PODNL1: variants seen among roughly 807,000 people sequenced by gnomAD.
PODNL1 encodes podocan like 1.
PODNL1 carries 50 observed loss-of-function variants against 45.1 expected under a neutral mutation model. The observed-to-expected ratio is 1.11, with a 90% confidence interval of 0.88 to 1.40. The LOEUF is 1.40. PODNL1 is among the 40% of genes most tolerant of loss of function. PODNL1 has a pLI of 0.00. For synonymous variants in PODNL1, 406 were observed against 372.5 expected, an observed-to-expected ratio of 1.09 and a Z score of -1.04; for missense variants, 788 against 793.3, an observed-to-expected ratio of 0.99 and a Z score of 0.08.
In PODNL1 at chr19:13,932,912, G is replaced by C; in HGVS notation, c.1311C>G (p.Leu437=). 2 of 1,585,236 alleles carry C rather than the reference G, an allele frequency of 1.3e-6. No individual in the cohort carries two copies. The highest frequency in any genetic ancestry group is 2.3e-5 in the East Asian group (1 of 43,474). ...LQLQRNQLRM[L]EPEPLAGLDQ... ...CCAGGCCGGCCAGAGGCTCGGGCTC[G>C]AGCATCCGCAGCTGGTTGCGTTGCA... The change falls in exon 8 of 10, where the codon CTC becomes CTG. Residue 437 remains leucine (L), a synonymous_variant. Coordinates refer to ENST00000588872, the MANE Select transcript of PODNL1 (RefSeq NM_001370095.3).
chr19:13,938,995 C>CA (rs1972557318), upstream of PODNL1, among the ~76,000 whole-genome samples: 1 of 152,114 alleles, frequency 6.6e-6, no homozygotes, highest in Non-Finnish European at 1.5e-5. Flanking sequence ...TGGCATATCC[C>CA]AGGGCTTTGG....
At chr19:13,934,552 G>C (rs1972200424) in intron 5 of PODNL1, 142 bp from the exon 6 acceptor site, 2 of 840,104 alleles carry the variant, frequency 2.4e-6, no homozygotes, top group Admixed American at 7.1e-5. Context: ...GAGTCTGTGT[G>C]GGAATGTAAT....
intron 1 of PODNL1, among the ~76,000 whole-genome samples, chr19:13,947,759 A>T (rs1354815004): frequency 6.6e-6 from 1 of 152,212 alleles, no homozygotes; most frequent in Non-Finnish European, 1.5e-5. Flanking sequence ...TGCTAAAGTC[A>T]TCATTAACTT....
chr19:13,944,324 G>C (rs1972749951), intron 1 of PODNL1, among the ~76,000 whole-genome samples: 2 of 151,806 alleles, frequency 1.3e-5, no homozygotes, highest in Non-Finnish European at 2.9e-5. Context: ...ACCATGCCTG[G>C]CTAAATTTTT....
chr19:13,946,751 T>C (rs1972828069), intron 1 of PODNL1, among the ~76,000 whole-genome samples: 1 of 151,706 alleles, frequency 6.6e-6, no homozygotes, highest in Non-Finnish European at 1.5e-5. Context: ...TGACGAACGA[T>C]CAGAAATATG....
At position 13,933,450 on chromosome 19, in the gene PODNL1, A is replaced by G; in HGVS notation, c.773T>C (p.Leu258Pro). ...SGLDATTFSKLHSLEYLDLSH... is the reference protein window; with the variant it reads ...SGLDATTFSKPHSLEYLDLSH... ...GAGATCCAGGTATTCAAGGCTATGCAGCTTGCTGGAAGGAGAGAGGGTCGG... is the reference window on the plus strand; with the variant it reads ...GAGATCCAGGTATTCAAGGCTATGCGGCTTGCTGGAAGGAGAGAGGGTCGG... Residue 258 changes from leucine (L) to proline (P), a missense_variant, in exon 8 of 10, where the codon CTG becomes CCG. By Grantham distance (98) the Leu-to-Pro change is moderately conservative (BLOSUM62 -3). Coordinates refer to ENST00000588872, the MANE Select transcript of PODNL1 (RefSeq NM_001370095.3). The surrounding 1 kb of genome is among the most constrained non-coding windows in gnomAD (Gnocchi z 5.2). 6.4e-7 allele frequency: 1 copy of G among 1,562,014 alleles called. No individual in the cohort carries two copies. Among genetic ancestry groups the G allele is most frequent in the Non-Finnish European group, 8.7e-7 (1 of 1,155,616 alleles).
At chr19:13,947,417 G>T (rs1184837690) in intron 1 of PODNL1, among the ~76,000 whole-genome samples, 2 of 151,480 alleles carry the variant, frequency 1.3e-5, no homozygotes, top group Admixed American at 1.3e-4. Flanking sequence ...GGAGACGGAG[G>T]TTGCAGTGAG....
At chr19:13,953,244 G>A (rs1973170377) in exon 1 of PODNL1, 1 of 1,086,540 alleles carries the variant, frequency 9.2e-7, no homozygotes, top group Non-Finnish European at 1.3e-6. Context: ...CAGAGCTGGG[G>A]GATGATGTCT....
intron 1 of PODNL1, among the ~76,000 whole-genome samples, chr19:13,945,493 AT>A (rs902283331): frequency 1.5e-4 from 22 of 147,316 alleles, no homozygotes; most frequent in South Asian, 2.2e-4. Flanking sequence ...TGTCTCTACA[AT>A]TTTTTTTTTT....
intron 1 of PODNL1, among the ~76,000 whole-genome samples, chr19:13,943,721 C>T (rs911249374): frequency 6.6e-6 from 1 of 152,080 alleles, no homozygotes; most frequent in Non-Finnish European, 1.5e-5. Flanking sequence ...CTCAGCCTCC[C>T]AAAGTGCTGG....
In PODNL1 at chr19:13,933,810, G is replaced by A; in HGVS notation, c.767+68C>T. Reference sequence around the variant, plus strand: ...CGTGGCTTAGGAGCCAGTCAGGGAAGGGGGACTGAAGGTTGGGACCCCCGA... The same window carrying A: ...CGTGGCTTAGGAGCCAGTCAGGGAAAGGGGACTGAAGGTTGGGACCCCCGA... On this transcript the variant is annotated intron_variant, in intron 7 of 9. Coordinates refer to ENST00000588872, the MANE Select transcript of PODNL1 (RefSeq NM_001370095.3). This position sits in a 1 kb window ranked among gnomAD's most constrained non-coding sequence, Gnocchi z 5.2. 1 of 1,350,270 alleles carries A rather than the reference G, an allele frequency of 7.4e-7. No individual in the cohort carries two copies. The highest frequency in any genetic ancestry group is 1.0e-6 in the Non-Finnish European group (1 of 967,256). 83.6% of individuals were successfully genotyped at this position (1,350,270 alleles called of 1,614,324 possible).
chr19:13,936,443 T>A lies in PODNL1; in HGVS notation c.243A>T (p.Glu81Asp). 6.2e-7 allele frequency: 1 copy of A among 1,612,784 alleles called. No individual in the cohort carries two copies. Among genetic ancestry groups the A allele is most frequent in the African/African-American group, 1.3e-5 (1 of 74,752 alleles). The change falls in exon 3 of 10, where the codon GAA becomes GAT. Residue 81 changes from glutamate to aspartate, a missense_variant. Coordinates refer to ENST00000588872, the MANE Select transcript of PODNL1 (RefSeq NM_001370095.3). ...GGCGGGACAGCTCATTGTAGGGGAG[T>A]TCCTGGAGCTGGTTGTTCTGCAGGG... ...HLSLQNNQLQ[E>D]LPYNELSRLS...
At chr19:13,941,500 G>C (rs1972655134), upstream of PODNL1, among the ~76,000 whole-genome samples, 1 of 152,130 alleles carries the variant, frequency 6.6e-6, no homozygotes, top group African/African-American at 2.4e-5. Flanking sequence ...CAGTGATACA[G>C]GGGAGGGAGG....
intron 6 of PODNL1, 95 bp from the exon 7 acceptor site, chr19:13,934,088 C>T (rs965105358): frequency 7.2e-7 from 1 of 1,397,936 alleles, no homozygotes; most frequent in Non-Finnish European, 9.9e-7. Flanking sequence ...GAGGAGCTTG[C>T]CTTGAGCTCA....
chr19:13,931,541 G>T lies in PODNL1; in HGVS notation c.*196C>A. On this transcript the variant is annotated 3_prime_UTR_variant, in exon 10 of 10. Transcript: ENST00000588872. Reference sequence around the variant, plus strand: ...GGGAGTTTGGGGTAGGGTGTGTCCCGCCAGGCCGGCGTGGTCTGTGAGCCT... The same window carrying T: ...GGGAGTTTGGGGTAGGGTGTGTCCCTCCAGGCCGGCGTGGTCTGTGAGCCT... The T allele has an allele frequency of 3.9e-6, 2 of 515,358 alleles. No individual in the cohort carries two copies. The highest frequency in any genetic ancestry group is 3.0e-6 in the Non-Finnish European group (1 of 334,004). The allele number at this position is 515,358 out of a possible 1,614,324, so 31.9% of individuals were successfully genotyped here. A position where few individuals can be genotyped will look rare whatever the true frequency, so the allele number is the denominator to read the frequency against.
chr19:13,938,451 T>C, upstream of PODNL1: 1 of 1,277,344 alleles, frequency 7.8e-7, no homozygotes, highest in Non-Finnish European at 9.9e-7. Context: ...CCACCCCATC[T>C]CTGCTTTCGT....
chr19:13,934,841 A>G (rs1171899276), intron 5 of PODNL1, among the ~76,000 whole-genome samples: 1 of 151,284 alleles, frequency 6.6e-6, no homozygotes, highest in Non-Finnish European at 1.5e-5. Context: ...ATGCCTGTGC[A>G]TAAGTGTGCA....
rs748796579 is a variant in PODNL1 at position 13,932,869 on chromosome 19, T to C, written c.1354A>G (p.Ser452Gly). ...ACCCGGAGCCGGTTGTGCGCCAGGC[T>C]GAGCTCCCGCAGTTGGTCCAGGCCG... Reference protein sequence around the residue: ...LAGLDQLRELSLAHNRLRVGD... With the variant: ...LAGLDQLRELGLAHNRLRVGD... The change falls in exon 8 of 10, where the codon AGC (serine) becomes GGC (glycine). Residue 452 changes from serine (S) to glycine (G), a missense_variant. Around this residue, in one of 3 missense-constraint regions of PODNL1, gnomAD observed 762 missense variants for 750.9 expected, o/e 1.01. Transcript: ENST00000588872. The C allele has an allele frequency of 1.1e-5, 18 of 1,610,036 alleles. No homozygotes were observed. The highest frequency in any genetic ancestry group is 5.0e-5 in the Admixed American group (3 of 59,566).
At chr19:13,935,945 C>T in intron 4 of PODNL1, 35 bp downstream of exon 4, 17 of 1,549,164 alleles carry the variant, frequency 1.1e-5, no homozygotes, top group Non-Finnish European at 1.5e-5. Flanking sequence ...TGCACCCTCA[C>T]TGGGCTCGGC....
Sources: allele counts gnomAD v4.1 joint callset (sites outside exome capture counted in the v4.1 genomes callset), GRCh38; gene constraint gnomAD v4.1.1; regional missense constraint gnomAD v4.1.1; non-coding constraint Gnocchi (gnomAD v3.1); transcripts MANE v1.5; gene names NCBI Gene and HGNC (gene_info 2026-07-23, HGNC 2026-07-21).